The following TTC23L variants were observed in gnomAD, a reference collection of about 807,000 sequenced individuals.
TTC23L encodes the protein tetratricopeptide repeat protein 23-like.
In TTC23L, 42 loss-of-function variants were observed where a neutral mutation model predicts 48.1. That is an observed-to-expected ratio of 0.87 (90% confidence interval 0.68 to 1.13). TTC23L has a LOEUF of 1.13. Among genes scored for constraint, TTC23L ranks in the 50% most tolerant of loss-of-function variants. The pLI is 0.00. For missense variants in TTC23L, 391 were observed against 421.0 expected, an observed-to-expected ratio of 0.93 and a Z score of 0.62; for synonymous variants, 159 against 157.2, an observed-to-expected ratio of 1.01 and a Z score of -0.09.
chr5:34,912,485 T>C, the TTC23L span, among the ~76,000 whole-genome samples: 2 of 152,204 alleles, frequency 1.3e-5, no homozygotes, highest in Non-Finnish European at 2.9e-5. Context: ...GAGAACACTG[T>C]ATTAGAAAAT....
the TTC23L span, among the ~76,000 whole-genome samples, chr5:34,909,624 G>A: frequency 6.6e-6 from 1 of 152,140 alleles, no homozygotes; most frequent in African/African-American, 2.4e-5. Context: ...CTCTGAAAAT[G>A]ACTTTTCCTC....
chr5:34,898,038 T>C (rs1763339436), intron 10 of TTC23L, among the ~76,000 whole-genome samples: 1 of 152,228 alleles, frequency 6.6e-6, no homozygotes, highest in South Asian at 2.1e-4. Context: ...TCCTGGTTTC[T>C]TCATCTATAA....
chr5:34,864,184 C>T (rs1323659262), intron 5 of TTC23L, among the ~76,000 whole-genome samples: 1 of 152,192 alleles, frequency 6.6e-6, no homozygotes, highest in Non-Finnish European at 1.5e-5. Context: ...TTTCCGCTCA[C>T]TCCTGCAAAC....
intron 2 of TTC23L, 76 bp from the exon 3 acceptor site, chr5:34,845,411 G>A (rs962048554): frequency 2.0e-5 from 29 of 1,457,254 alleles, no homozygotes; most frequent in Non-Finnish European, 2.7e-5. Flanking sequence ...AGTTGGGAGA[G>A]CTATGCCCTT....
Position 34,850,336 on chromosome 5 carries a change from G to T in TTC23L, c.379+28G>T, listed in dbSNP as rs1759571227. The T allele has an allele frequency of 2.5e-6, 4 of 1,612,602 alleles. No homozygotes were observed. The Admixed American group carries it at 6.7e-5, about 27-fold the overall frequency. ...ACTTGGTTTTCCCAGCTGGGTTTGG[G>T]TGGCCAGCCTCTGAAGGCTGAACTG... On this transcript the variant is annotated intron_variant, in intron 4 of 10. Transcript: ENST00000505624.
At chr5:34,924,517 A>G in the TTC23L span, among the ~76,000 whole-genome samples, 23 of 152,348 alleles carry the variant, frequency 1.5e-4, no homozygotes, top group East Asian at 4.0e-3. Context: ...ATGTGCTTTA[A>G]TACATTTTGT....
At chr5:34,855,646 T>C (rs1039430579) in intron 4 of TTC23L, among the ~76,000 whole-genome samples, 5 of 152,206 alleles carry the variant, frequency 3.3e-5, no homozygotes, top group African/African-American at 1.2e-4. Flanking sequence ...TATCCATCAA[T>C]AGGAAACTAG....
At chr5:34,902,585 A>G (rs1763534033), downstream of TTC23L, among the ~76,000 whole-genome samples, 1 of 152,198 alleles carries the variant, frequency 6.6e-6, no homozygotes, top group Admixed American at 6.5e-5. Context: ...TCTAAGAATC[A>G]ACCAGTACCC....
At chr5:34,890,886 G>C (rs988983397) in intron 9 of TTC23L, among the ~76,000 whole-genome samples, 13 of 152,130 alleles carry the variant, frequency 8.5e-5, no homozygotes, top group Non-Finnish European at 4.4e-5. Context: ...ATAGGCATCT[G>C]CCACTGCACC....
downstream of TTC23L, among the ~76,000 whole-genome samples, chr5:34,899,984 G>GT (rs1214094768): frequency 2.6e-5 from 4 of 152,320 alleles, no homozygotes; most frequent in African/African-American, 9.6e-5. Flanking sequence ...CTTTAAGTTA[G>GT]TTTTTTGTGT....
chr5:34,863,440 T>A lies in TTC23L; in HGVS notation c.536+386T>A, dbSNP rs971759829. ...TAATTTAAAGCACAATTTGGCAAAC[T>A]AGGCTGCACATTGTAATCCCCTGGG... On this transcript the variant is annotated intron_variant, in intron 5 of 10. Transcript: ENST00000505624. The surrounding 1 kb of genome is among the most constrained non-coding windows in gnomAD (Gnocchi z 4.1). 1.3e-5 allele frequency among the ~76,000 whole-genome samples: 2 copies of A among 152,162 alleles called. No homozygotes were observed. The highest frequency in any genetic ancestry group is 4.8e-5 in the African/African-American group (2 of 41,428).
At chr5:34,859,661 G>A (rs931714500) in intron 4 of TTC23L, among the ~76,000 whole-genome samples, 15 of 151,978 alleles carry the variant, frequency 9.9e-5, no homozygotes, top group South Asian at 2.1e-4. Flanking sequence ...AGAAGCTGGC[G>A]TCTTCATCTT....
chr5:34,875,778 C>A (rs1212762829), intron 8 of TTC23L, among the ~76,000 whole-genome samples: 1 of 152,160 alleles, frequency 6.6e-6, no homozygotes, highest in Non-Finnish European at 1.5e-5. Context: ...ACAGCACCAT[C>A]AATCAACTTA....
chr5:34,885,816 A>G (rs2111733286), intron 9 of TTC23L, among the ~76,000 whole-genome samples: 1 of 152,244 alleles, frequency 6.6e-6, no homozygotes, highest in East Asian at 1.9e-4. Context: ...CAACAAAAAT[A>G]TGTGTGTGTA....
chr5:34,904,780 A>G, the TTC23L span, among the ~76,000 whole-genome samples: 5 of 152,284 alleles, frequency 3.3e-5, no homozygotes, highest in South Asian at 4.1e-4. Flanking sequence ...AATGGCAGGA[A>G]GCAAGACCAT....
the TTC23L span, chr5:34,913,848 G>A: frequency 1.2e-5 from 6 of 490,134 alleles, no homozygotes; most frequent in Non-Finnish European, 2.0e-5. Context: ...ATAGACGAAT[G>A]ACTTGATAAT....
In TTC23L at chr5:34,863,119, A is replaced by G; in HGVS notation, c.536+65A>G. The stretch of plus-strand genomic sequence containing the variant: ...ACAGGCCACACATGCCAGATGGGTC[A>G]TCTCATACAGGAGGGTGGGAGATGG... On this transcript the variant is annotated intron_variant, in intron 5 of 10. Transcript: ENST00000505624. This position sits in a 1 kb window ranked among gnomAD's most constrained non-coding sequence, Gnocchi z 4.1. 1.3e-6 allele frequency: 2 copies of G among 1,592,106 alleles called. No individual in the cohort carries two copies. Among genetic ancestry groups the G allele is most frequent in the Non-Finnish European group, 1.7e-6 (2 of 1,165,924 alleles).
chr5:34,902,354 T>C, downstream of TTC23L: 1 of 314,346 alleles, frequency 3.2e-6, no homozygotes, highest in Non-Finnish European at 6.5e-6. Flanking sequence ...AGGTGGAGGT[T>C]GCAGTGAGCC....
chr5:34,899,976 TTAAG>T, downstream of TTC23L, among the ~76,000 whole-genome samples: 1 of 152,292 alleles, frequency 6.6e-6, no homozygotes, highest in Middle Eastern at 3.4e-3. Flanking sequence ...GTCACATGCT[TTAAG>T]TTAGTTTTTT....
Sources: allele counts gnomAD v4.1 joint callset (sites outside exome capture counted in the v4.1 genomes callset), GRCh38; gene constraint gnomAD v4.1.1; non-coding constraint Gnocchi (gnomAD v3.1); transcripts MANE v1.5; gene names NCBI Gene and HGNC (gene_info 2026-07-23, HGNC 2026-07-21).